The following SLC2A9 variants were observed in gnomAD, a reference collection of about 807,000 sequenced individuals.
SLC2A9 encodes the protein solute carrier family 2 member 9.
Under a neutral mutation model 50.6 loss-of-function variants are expected in SLC2A9, and 39 were observed. That is an observed-to-expected ratio of 0.77 (90% CI 0.60 to 1.01). SLC2A9 has a LOEUF of 1.01. Ranked by LOEUF, SLC2A9 falls within the 50% of genes least tolerant of loss-of-function variation. The pLI is 0.00. For synonymous variants in SLC2A9, 324 were observed against 276.9 expected, an observed-to-expected ratio of 1.17 and a Z score of -1.69; for missense variants, 686 against 677.6, an observed-to-expected ratio of 1.01 and a Z score of -0.14.
downstream of SLC2A9, among the ~76,000 whole-genome samples, chr4:9,775,020 C>T (rs573795073): frequency 6.6e-6 from 1 of 152,174 alleles, no homozygotes; most frequent in South Asian, 2.1e-4. Context: ...TGCTTGCACA[C>T]CTCGGTGGAC....
intron 10 of SLC2A9, among the ~76,000 whole-genome samples, chr4:9,877,038 A>G: frequency 6.6e-6 from 1 of 152,058 alleles, no homozygotes; most frequent in Admixed American, 6.6e-5. Flanking sequence ...TATTCCTTCT[A>G]TGCAATACTT....
intron 3 of SLC2A9, among the ~76,000 whole-genome samples, chr4:9,801,054 G>A (rs1721338977): frequency 1.3e-5 from 2 of 152,092 alleles, no homozygotes; most frequent in South Asian, 4.1e-4. Flanking sequence ...GGTGTTGGCT[G>A]CTTCTGGAAA....
chr4:9,949,588 T>C (rs1749825609), intron 5 of SLC2A9, among the ~76,000 whole-genome samples: 1 of 152,236 alleles, frequency 6.6e-6, no homozygotes, highest in Non-Finnish European at 1.5e-5. Flanking sequence ...CTGGCTCTTC[T>C]GATCCCTGTA....
chr4:9,938,601 G>A (rs930306782), intron 6 of SLC2A9, among the ~76,000 whole-genome samples: 1 of 152,128 alleles, frequency 6.6e-6, no homozygotes, highest in Non-Finnish European at 1.5e-5. Flanking sequence ...GTCTTTATGT[G>A]CACGTTATGT....
chr4:9,832,628 G>C (rs1040004269), intron 11 of SLC2A9, among the ~76,000 whole-genome samples: 6 of 152,186 alleles, frequency 3.9e-5, no homozygotes, highest in Non-Finnish European at 8.8e-5. Context: ...ATAAGAAAAG[G>C]CTCATAAATG....
At chr4:9,827,827 A>T (rs1427574953) in intron 11 of SLC2A9, among the ~76,000 whole-genome samples, 4 of 152,202 alleles carry the variant, frequency 2.6e-5, no homozygotes, top group Non-Finnish European at 4.4e-5. Context: ...TGGGCTCTGA[A>T]GCCAGTCGAG....
chr4:10,005,585 G>T (rs990401281), intron 2 of SLC2A9, among the ~76,000 whole-genome samples: 3 of 152,240 alleles, frequency 2.0e-5, no homozygotes, highest in African/African-American at 4.8e-5. Context: ...GGTATGAGAT[G>T]ATGAGTCTGA....
At chr4:9,798,643 G>A (rs903908767), downstream of SLC2A9, 1 of 152,172 alleles carries the variant, frequency 6.6e-6, no homozygotes, top group African/African-American at 2.4e-5. Context: ...CTCATCCTTA[G>A]AGACACAGAA....
intron 11 of SLC2A9, among the ~76,000 whole-genome samples, chr4:9,833,535 G>C (rs529132969): frequency 6.6e-6 from 1 of 152,230 alleles, no homozygotes; most frequent in East Asian, 1.9e-4. Context: ...GGGTGATGTG[G>C]GCACAGAAAG....
chr4:9,881,080 C>T (rs750713749), intron 10 of SLC2A9, among the ~76,000 whole-genome samples: 5 of 152,200 alleles, frequency 3.3e-5, no homozygotes, highest in South Asian at 2.1e-4. Flanking sequence ...TGGTTCCTGA[C>T]GAGCACTTAG....
intron 8 of SLC2A9, among the ~76,000 whole-genome samples, chr4:9,891,200 G>A (rs1461593827): frequency 6.6e-6 from 1 of 152,160 alleles, no homozygotes; most frequent in African/African-American, 2.4e-5. Context: ...TTTCATTGTG[G>A]GATGTGATGT....
chr4:9,911,517 TGTGC>T (rs1741787276), intron 7 of SLC2A9, among the ~76,000 whole-genome samples: 1 of 152,166 alleles, frequency 6.6e-6, no homozygotes, highest in African/African-American at 2.4e-5. Context: ...CCCCACGGTG[TGTGC>T]TTTGTGTTGA....
At chr4:10,023,561 G>A (rs1763653172), upstream of SLC2A9, among the ~76,000 whole-genome samples, 1 of 152,224 alleles carries the variant, frequency 6.6e-6, no homozygotes, top group Admixed American at 6.5e-5. Flanking sequence ...AAAGGAACCA[G>A]AAATTAGGCA....
intron 5 of SLC2A9, among the ~76,000 whole-genome samples, chr4:9,943,733 CTG>C (rs1210901963): frequency 3.3e-5 from 5 of 152,088 alleles, no homozygotes; most frequent in African/African-American, 1.2e-4. Flanking sequence ...TTCGCTAGGC[CTG>C]TGTGTGGTGG....
chr4:9,884,503 T>G (rs963947876), intron 10 of SLC2A9, among the ~76,000 whole-genome samples: 12 of 151,910 alleles, frequency 7.9e-5, no homozygotes, highest in African/African-American at 2.9e-4. Flanking sequence ...TTTTGGAGGG[T>G]TGGCAATTAA....
At chr4:9,838,792 C>G (rs958280959) in intron 10 of SLC2A9, among the ~76,000 whole-genome samples, 1 of 152,144 alleles carries the variant, frequency 6.6e-6, no homozygotes, top group East Asian at 1.9e-4. Flanking sequence ...GGATAAATGG[C>G]TAGCCATTTG....
intron 5 of SLC2A9, among the ~76,000 whole-genome samples, chr4:9,953,313 T>C (rs938188036): frequency 6.6e-6 from 1 of 152,240 alleles, no homozygotes; most frequent in East Asian, 1.9e-4. Context: ...TGACGAGAGG[T>C]CCCACACTGT....
chr4:9,983,528 G>C lies in SLC2A9; in HGVS notation c.535+2141C>G, dbSNP rs555735814. On this transcript the variant is annotated intron_variant, in intron 4 of 11. Transcript: ENST00000264784. ...AAATGAGCTGGCCCACTGACAGCCC[G>C]TGAGACCAGGCCACCTGCTAACACC... Among the ~76,000 whole-genome samples the C allele has an allele frequency of 2.3e-4, 35 of 152,232 alleles. 1 individual carries two copies. Among genetic ancestry groups the C allele is most frequent in the African/African-American group, 8.2e-4 (34 of 41,520 alleles).
At chr4:9,857,757 C>T (rs917626156) in intron 10 of SLC2A9, among the ~76,000 whole-genome samples, 17 of 152,238 alleles carry the variant, frequency 1.1e-4, no homozygotes, top group African/African-American at 4.1e-4. Context: ...CCCTGCCTGA[C>T]TCAGTGCCCA....
Sources: gnomAD v4.1 joint callset for allele counts (sites outside exome capture counted in the v4.1 genomes callset) on GRCh38, gnomAD v4.1.1 for gene constraint, MANE v1.5 for transcripts, NCBI Gene and HGNC (gene_info 2026-07-23, HGNC 2026-07-21) for gene names.